IQCK: variants seen among roughly 807,000 people sequenced by gnomAD.
IQCK encodes the protein IQ motif containing K.
In IQCK, 29 loss-of-function variants were observed where a neutral mutation model predicts 28.1. The ratio of observed to expected loss-of-function variants is 1.03; its 90% CI spans 0.77 to 1.41. The LOEUF (loss-of-function observed/expected upper bound fraction) is 1.41, where lower values mean the gene tolerates loss of function less well. IQCK is among the 40% of genes most tolerant of loss of function. The probability of loss-of-function intolerance (pLI) is 0.00; values close to 1 mark genes in which losing one functional copy is unlikely to be tolerated. For missense variants in IQCK, 359 were observed against 314.7 expected (o/e 1.14, Z -1.07); for synonymous variants, 113 against 115.1 (o/e 0.98, Z 0.12).
intron 6 of IQCK, chr16:19,766,225 T>A (rs2055235193): frequency 6.6e-6 from 1 of 152,262 alleles, no homozygotes; most frequent in Non-Finnish European, 1.5e-5. Context: ...CAGAGCTTGG[T>A]GCTGTGGAAA....
intron 9 of IQCK, among the ~76,000 whole-genome samples, chr16:19,847,054 G>T (rs1013100967): frequency 6.6e-6 from 1 of 152,078 alleles, no homozygotes; most frequent in African/African-American, 2.4e-5. Context: ...CCTTGGGCAC[G>T]TTGCTTAGTA....
chr16:19,831,510 T>C (rs1164722299), downstream of IQCK, among the ~76,000 whole-genome samples: 1 of 151,940 alleles, frequency 6.6e-6, no homozygotes, highest in Non-Finnish European at 1.5e-5. Context: ...AAAATAAATC[T>C]CCCCAGCCAA....
intron 9 of IQCK, among the ~76,000 whole-genome samples, chr16:19,853,828 A>G (rs930747338): frequency 6.6e-6 from 1 of 152,188 alleles, no homozygotes; most frequent in Admixed American, 6.5e-5. Context: ...GGGTTTCACC[A>G]TGTTGGCCAG....
chr16:19,751,092 C>T (rs1455578456), intron 4 of IQCK, among the ~76,000 whole-genome samples: 3 of 152,020 alleles, frequency 2.0e-5, no homozygotes, highest in Non-Finnish European at 4.4e-5. Context: ...GTTTTCTTAT[C>T]TATTAAGTGG....
chr16:19,718,560 A>T (rs966086028), intron 1 of IQCK, 73 bp downstream of exon 1: 17 of 1,356,078 alleles, frequency 1.3e-5, no homozygotes, highest in Non-Finnish European at 1.2e-5. Context: ...GGGAGCGCCC[A>T]CTGTGCGCCT....
chr16:19,744,779 G>A (rs2054883875), intron 4 of IQCK, among the ~76,000 whole-genome samples: 1 of 152,174 alleles, frequency 6.6e-6, no homozygotes, highest in African/African-American at 2.4e-5. Context: ...AAATTAGCTG[G>A]GTGCTAGCAG....
At chr16:19,833,732 G>A (rs184136728) in intron 9 of IQCK, among the ~76,000 whole-genome samples, 123 of 152,212 alleles carry the variant, frequency 8.1e-4, no homozygotes, top group South Asian at 2.5e-3. Flanking sequence ...TAGCGATTAG[G>A]ATTTCCCTGT....
At chr16:19,776,330 G>C (rs1011517323) in intron 6 of IQCK, among the ~76,000 whole-genome samples, 1 of 152,272 alleles carries the variant, frequency 6.6e-6, no homozygotes, top group African/African-American at 2.4e-5. Flanking sequence ...TAATTATTCT[G>C]CTCTACTTCC....
chr16:19,810,597 G>C (rs2055891902), intron 7 of IQCK, among the ~76,000 whole-genome samples: 1 of 151,822 alleles, frequency 6.6e-6, no homozygotes, highest in African/African-American at 2.4e-5. Context: ...CGGATCACCT[G>C]AGGTCAGGAG....
chr16:19,741,960 C>T (rs2054841642), intron 4 of IQCK, among the ~76,000 whole-genome samples: 1 of 152,176 alleles, frequency 6.6e-6, no homozygotes, highest in African/African-American at 2.4e-5. Context: ...GCAGTCCAAC[C>T]TGGGTGACAG....
chr16:19,823,376 T>C (rs2056101657), intron 7 of IQCK, among the ~76,000 whole-genome samples: 1 of 152,156 alleles, frequency 6.6e-6, no homozygotes. Context: ...CCTGCAGGCC[T>C]AGCAGGTTTC....
chr16:19,719,084 T>G (rs761282096), intron 1 of IQCK, among the ~76,000 whole-genome samples: 1 of 152,172 alleles, frequency 6.6e-6, no homozygotes, highest in Non-Finnish European at 1.5e-5. Context: ...GTTGGGCAAA[T>G]TATTTAACTT....
chr16:19,826,042 A>G (rs909259667), intron 7 of IQCK, among the ~76,000 whole-genome samples: 1 of 152,164 alleles, frequency 6.6e-6, no homozygotes, highest in African/African-American at 2.4e-5. Flanking sequence ...TTTTTGAGAC[A>G]GGATCTCAGG....
intron 6 of IQCK, among the ~76,000 whole-genome samples, chr16:19,777,821 C>T (rs1172170286): frequency 6.6e-6 from 1 of 152,156 alleles, no homozygotes; most frequent in Non-Finnish European, 1.5e-5. Flanking sequence ...GAAGCCAAGA[C>T]TGGCAGATGA....
chr16:19,821,528 C>T (rs185740903), intron 7 of IQCK, among the ~76,000 whole-genome samples: 4 of 152,056 alleles, frequency 2.6e-5, no homozygotes, highest in African/African-American at 7.2e-5. Flanking sequence ...GGTGAAACCC[C>T]GTGTCTACTA....
chr16:19,772,424 T>G (rs918184280), intron 6 of IQCK, among the ~76,000 whole-genome samples: 1 of 152,160 alleles, frequency 6.6e-6, no homozygotes, highest in African/African-American at 2.4e-5. Flanking sequence ...AACTGAAAAT[T>G]TGAACACTTA....
intron 9 of IQCK, among the ~76,000 whole-genome samples, chr16:19,852,725 C>T (rs1597615156): frequency 6.6e-6 from 1 of 151,470 alleles, no homozygotes; most frequent in East Asian, 2.0e-4. Context: ...TGGGTTCACG[C>T]CATTCTCCTG....
Position 19,785,166 on chromosome 16 carries a change from A to T in IQCK, c.606-3672A>T, listed in dbSNP as rs143809266. ...ACCAGCCCCAAGGTGCATTTGAGCAAATTAGAAAAAGGTATCCTCACCTTA... is the reference window on the plus strand; with the variant it reads ...ACCAGCCCCAAGGTGCATTTGAGCATATTAGAAAAAGGTATCCTCACCTTA... On this transcript the variant is annotated intron_variant, in intron 6 of 7. Coordinates refer to ENST00000564186, the Ensembl canonical transcript of IQCK. Among the ~76,000 whole-genome samples, 480 of 152,294 alleles carry T rather than the reference A, an allele frequency of 3.2e-3. 4 individuals are homozygous for T. The highest frequency in any genetic ancestry group is 0.011 in the African/African-American group (460 of 41,558).
chr16:19,779,678 C>A (rs1039425061), intron 6 of IQCK, among the ~76,000 whole-genome samples: 2 of 151,458 alleles, frequency 1.3e-5, no homozygotes, highest in Admixed American at 1.3e-4. Flanking sequence ...TTTTAAATCA[C>A]AAGTATTTTT....
Sources: allele counts gnomAD v4.1 joint callset (sites outside exome capture counted in the v4.1 genomes callset), GRCh38; gene constraint gnomAD v4.1.1; transcripts MANE v1.5; gene names NCBI Gene and HGNC (gene_info 2026-07-23, HGNC 2026-07-21).